Variants in TMEM132C observed in about 807,000 individuals in gnomAD.
TMEM132C encodes transmembrane protein 132C.
TMEM132C carries 29 observed loss-of-function variants against 61.4 expected under a neutral mutation model. The ratio of observed to expected loss-of-function variants is 0.47; its 90% CI spans 0.35 to 0.64. The LOEUF is 0.64. Among genes scored for constraint, TMEM132C ranks in the 30% least tolerant of loss-of-function variants. The pLI, the probability that TMEM132C is intolerant of heterozygous loss-of-function variation, is 0.00. For missense variants in TMEM132C, 1,408 were observed against 1,476.9 expected, an observed-to-expected ratio of 0.95 and a Z score of 0.76; for synonymous variants, 656 against 633.1, an observed-to-expected ratio of 1.04 and a Z score of -0.54.
intron 3 of TMEM132C, among the ~76,000 whole-genome samples, chr12:128,597,474 GAGGA>G (rs72237709): frequency 1.4e-4 from 18 of 129,844 alleles, no homozygotes; most frequent in African/African-American, 4.8e-4. Context: ...GAGCGAGAGA[GAGGA>G]AGGAAGGAAG....
intron 2 of TMEM132C, among the ~76,000 whole-genome samples, chr12:128,427,515 G>A (rs1869235584): frequency 6.6e-6 from 1 of 150,716 alleles, no homozygotes; most frequent in Non-Finnish European, 1.5e-5. Context: ...GATTGAGAGG[G>A]AGGGAAGAGG....
intron 3 of TMEM132C, among the ~76,000 whole-genome samples, chr12:128,594,348 C>T (rs528539611): frequency 6.6e-6 from 1 of 151,520 alleles, no homozygotes; most frequent in African/African-American, 2.4e-5. Context: ...CTGTAACTCT[C>T]CCCCCATCCC....
chr12:128,624,618 C>T (rs954873426), intron 4 of TMEM132C, among the ~76,000 whole-genome samples: 1 of 149,490 alleles, frequency 6.7e-6, no homozygotes, highest in Non-Finnish European at 1.5e-5. Context: ...ACTAACTGTA[C>T]TCAGAAACCT....
chr12:128,561,821 G>A (rs895600862), intron 3 of TMEM132C, among the ~76,000 whole-genome samples: 1 of 152,152 alleles, frequency 6.6e-6, no homozygotes, highest in Non-Finnish European at 1.5e-5. Flanking sequence ...AAGTGGTTTG[G>A]TGCCTCTGCT....
chr12:128,688,371 TA>T (rs1258919815), intron 5 of TMEM132C, among the ~76,000 whole-genome samples: 3 of 152,050 alleles, frequency 2.0e-5, no homozygotes, highest in Non-Finnish European at 4.4e-5. Context: ...TTTTCTCATC[TA>T]AAAAATAGGA....
chr12:128,556,262 ATC>A (rs1874327096), intron 3 of TMEM132C, among the ~76,000 whole-genome samples: 1 of 152,198 alleles, frequency 6.6e-6, no homozygotes, highest in South Asian at 2.1e-4. Context: ...ACAGTTTATC[ATC>A]CCATCAAGAC....
intron 4 of TMEM132C, among the ~76,000 whole-genome samples, chr12:128,622,355 AAAAAAATATATATATATATATATATATAT>A (rs922675680): frequency 1.6e-5 from 1 of 62,790 alleles, no homozygotes; most frequent in African/African-American, 9.3e-5. Flanking sequence ...AAAAAAAAAA[AAAAAAATATATATATATATATATATATAT>A]ATATATATAT....
chr12:128,670,337 C>T (rs566361052), intron 5 of TMEM132C, among the ~76,000 whole-genome samples: 1 of 152,132 alleles, frequency 6.6e-6, no homozygotes, highest in African/African-American at 2.4e-5. Flanking sequence ...TTATTAGTAA[C>T]TAAATGTAGC....
In TMEM132C at chr12:128,390,711, C is replaced by T. The variant is rs1241404732; in HGVS notation, c.86-24021C>T. 2.0e-5 allele frequency among the ~76,000 whole-genome samples: 3 copies of T among 152,114 alleles called. No homozygotes were observed. The East Asian group carries it at 5.8e-4, about 29-fold the overall frequency. On this transcript the variant is annotated intron_variant, in intron 1 of 8. Coordinates refer to ENST00000435159, the MANE Select transcript of TMEM132C (RefSeq NM_001136103.3). The stretch of plus-strand genomic sequence containing the variant: ...GTTTTAGTTCAGACAGGGACAGAAT[C>T]TGATTTCTGATGTATAAAGATCCCT...
chr12:128,695,784 A>G, intron 6 of TMEM132C, 46 bp from the exon 7 acceptor site: 1 of 1,493,012 alleles, frequency 6.7e-7, no homozygotes, highest in Non-Finnish European at 8.9e-7. Context: ...AGAACGTCTT[A>G]GACTCCTCTC....
chr12:128,451,716 G>A (rs1870180007), intron 2 of TMEM132C, among the ~76,000 whole-genome samples: 2 of 152,136 alleles, frequency 1.3e-5, no homozygotes, highest in Non-Finnish European at 2.9e-5. Flanking sequence ...AATCAAACAA[G>A]TTTCCTCCTG....
At chr12:128,603,389 C>A (rs914503175) in intron 3 of TMEM132C, among the ~76,000 whole-genome samples, 1 of 152,158 alleles carries the variant, frequency 6.6e-6, no homozygotes, top group Admixed American at 6.5e-5. Flanking sequence ...ACCAAGAGAA[C>A]AGATGCTGCT....
At chr12:128,608,476 G>A (rs1876502711) in intron 3 of TMEM132C, among the ~76,000 whole-genome samples, 1 of 152,146 alleles carries the variant, frequency 6.6e-6, no homozygotes, top group Non-Finnish European at 1.5e-5. Context: ...ATTTGCCCAA[G>A]TTACCCCTCT....
At chr12:128,689,380 T>G (rs1476028744) in intron 5 of TMEM132C, among the ~76,000 whole-genome samples, 1 of 152,166 alleles carries the variant, frequency 6.6e-6, no homozygotes, top group Non-Finnish European at 1.5e-5. Context: ...AATAAAACAC[T>G]TGAGCTCAAA....
At chr12:128,666,442 A>C (rs796296303) in intron 4 of TMEM132C, among the ~76,000 whole-genome samples, 1 of 152,180 alleles carries the variant, frequency 6.6e-6, no homozygotes, top group African/African-American at 2.4e-5. Context: ...TGCTGTTTAG[A>C]AGCTACCCAG....
chr12:128,705,563 C>A lies in TMEM132C; in HGVS notation c.2595C>A (p.Asp865Glu), dbSNP rs746634508. Residue 865 changes from aspartate (D) to glutamate (E), a missense_variant, in exon 9 of 9, where the codon GAC becomes GAA. Physicochemically the swap from Asp to Glu is conservative, Grantham distance 45. Coordinates refer to ENST00000435159, the MANE Select transcript of TMEM132C (RefSeq NM_001136103.3). The part of the protein sequence containing the change: ...RATTTARSLL[D>E]NKVVKNSRAD... ...CTACCACGGCCAGGTCCCTGCTGGA[C>A]AACAAAGTGGTGAAGAACAGTCGGG... is the stretch of plus-strand genomic sequence containing the variant. 2.1e-5 allele frequency: 33 copies of A among 1,551,060 alleles called. No homozygotes were observed. The Admixed American group carries it at 6.3e-4, about 29-fold the overall frequency.
At chr12:128,497,647 C>T (rs1398957604) in intron 2 of TMEM132C, among the ~76,000 whole-genome samples, 1 of 152,222 alleles carries the variant, frequency 6.6e-6, no homozygotes, top group East Asian at 1.9e-4. Flanking sequence ...GGGATATAAT[C>T]TCCTGGTGTG....
intron 3 of TMEM132C, among the ~76,000 whole-genome samples, chr12:128,596,351 G>T (rs995213479): frequency 6.7e-6 from 1 of 149,052 alleles, no homozygotes; most frequent in African/African-American, 2.5e-5. Context: ...ACACTGGGCT[G>T]CCCCTTTCGC....
At chr12:128,401,567 C>T (rs1399394183) in intron 1 of TMEM132C, among the ~76,000 whole-genome samples, 2 of 152,084 alleles carry the variant, frequency 1.3e-5, no homozygotes, top group African/African-American at 4.8e-5. Flanking sequence ...ATGTAATTTT[C>T]GGAAAGGATC....
Sources: gnomAD v4.1 joint callset for allele counts (sites outside exome capture counted in the v4.1 genomes callset) on GRCh38, gnomAD v4.1.1 for gene constraint, MANE v1.5 for transcripts, NCBI Gene and HGNC (gene_info 2026-07-23, HGNC 2026-07-21) for gene names.